NDUFAF1: variants seen among roughly 807,000 people sequenced by gnomAD.
NDUFAF1 encodes NADH:ubiquinone oxidoreductase complex assembly factor 1, also known as complex I intermediate-associated protein 30, mitochondrial.
NDUFAF1 carries 18 observed loss-of-function variants against 28.7 expected under a neutral mutation model. The observed-to-expected ratio is 0.63, with a 90% confidence interval of 0.43 to 0.93. The LOEUF is 0.93. Among genes scored for constraint, NDUFAF1 ranks in the 40% least tolerant of loss-of-function variants. NDUFAF1 has a pLI of 0.00. For missense variants in NDUFAF1, 404 were observed against 398.3 expected (o/e 1.01, Z -0.12); for synonymous variants, 113 against 139.7 (o/e 0.81, Z 1.35).
intron 3 of NDUFAF1, 35 bp from the exon 4 acceptor site, chr15:41,388,557 TG>T (rs1566820563): frequency 7.3e-7 from 1 of 1,374,598 alleles, no homozygotes; most frequent in Non-Finnish European, 1.0e-6. Context: ...ATAACTGAAA[TG>T]TAAGCAATTG....
chr15:41,397,095 G>A lies in NDUFAF1; in HGVS notation c.-36C>T, dbSNP rs759759746. 3.8e-6 allele frequency: 6 copies of A among 1,583,500 alleles called. No homozygotes were observed. In the South Asian group the frequency reaches 5.6e-5, roughly 15 times the overall value. On this transcript the variant is annotated 5_prime_UTR_variant, in exon 2 of 5. Coordinates refer to ENST00000260361, the MANE Select transcript of NDUFAF1 (RefSeq NM_016013.4). ...AATCAAAATGTAAGTTTCTTCCTGG[G>A]CTAGCAAGGGCCACCAAGAAGCTTC...
intron 1 of NDUFAF1, among the ~76,000 whole-genome samples, chr15:41,400,935 G>A (rs2050454271): frequency 6.6e-6 from 1 of 151,142 alleles, no homozygotes; most frequent in Admixed American, 6.6e-5. Flanking sequence ...CTTTCTGTAG[G>A]ATACAGACAC....
At chr15:41,395,555 A>G (rs1405690098) in intron 2 of NDUFAF1, among the ~76,000 whole-genome samples, 5 of 150,396 alleles carry the variant, frequency 3.3e-5, no homozygotes, top group South Asian at 2.1e-4. Context: ...TATTTTTAGT[A>G]GAGACGGGGT....
chr15:41,389,311 T>TA (rs965174655), intron 3 of NDUFAF1, among the ~76,000 whole-genome samples: 1 of 150,284 alleles, frequency 6.7e-6, no homozygotes, highest in Non-Finnish European at 1.5e-5. Flanking sequence ...AGGCTGGTCT[T>TA]AAACTCCTGA....
intron 1 of NDUFAF1, among the ~76,000 whole-genome samples, chr15:41,399,855 C>CA (rs35139337): frequency 0.015 from 650 of 41,960 alleles, 21 homozygotes; most frequent in African/African-American, 0.021. Flanking sequence ...GACTCCTTCT[C>CA]AAAAAAAAAA....
chr15:41,389,816 T>C (rs192837019), intron 3 of NDUFAF1, among the ~76,000 whole-genome samples: 1 of 152,258 alleles, frequency 6.6e-6, no homozygotes, highest in Admixed American at 6.5e-5. Context: ...ATTATACATA[T>C]TAATAGTTAT....
chr15:41,391,607 T>TAAAA (rs534238039), intron 3 of NDUFAF1, among the ~76,000 whole-genome samples: 1 of 127,836 alleles, frequency 7.8e-6, no homozygotes, highest in African/African-American at 3.0e-5. Context: ...GACTCCATCT[T>TAAAA]AAAAAAAAAA....
intron 3 of NDUFAF1, among the ~76,000 whole-genome samples, chr15:41,388,856 C>T (rs1823169719): frequency 6.6e-6 from 1 of 150,674 alleles, no homozygotes; most frequent in Non-Finnish European, 1.5e-5. Flanking sequence ...CACTGCACTT[C>T]AGCCTGGGCG....
chr15:41,399,519 C>T (rs547057664), intron 1 of NDUFAF1, among the ~76,000 whole-genome samples: 2 of 147,830 alleles, frequency 1.4e-5, no homozygotes, highest in Non-Finnish European at 3.0e-5. Context: ...ACTGCACCAT[C>T]GCACTCCAGC....
chr15:41,397,343 G>A (rs1419657242), intron 1 of NDUFAF1, among the ~76,000 whole-genome samples: 1 of 152,028 alleles, frequency 6.6e-6, no homozygotes, highest in Non-Finnish European at 1.5e-5. Context: ...TCTACTTTCT[G>A]GGCTCAAATG....
Position 41,402,342 on chromosome 15 carries a change from T to C in NDUFAF1, c.-280A>G, listed in dbSNP as rs868831722. On this transcript the variant is annotated 5_prime_UTR_variant, in exon 1 of 5. Coordinates refer to ENST00000260361, the MANE Select transcript of NDUFAF1 (RefSeq NM_016013.4). ...CACTCACGGCCTGGCCTCCGGAGGC[T>C]AGACGGTTCGCCGCGCTGGGGAGGC... 1 of 454,020 alleles carries C rather than the reference T, an allele frequency of 2.2e-6. No individual in the cohort carries two copies. The highest frequency in any genetic ancestry group is 2.3e-5 in the Admixed American group (1 of 42,570). 28.1% of individuals were successfully genotyped at this position (454,020 alleles called of 1,614,324 possible).
At chr15:41,396,463 C>T (rs1465459845) in intron 2 of NDUFAF1, 24 bp downstream of exon 2, 2 of 1,609,288 alleles carry the variant, frequency 1.2e-6, no homozygotes, top group Admixed American at 3.3e-5. Flanking sequence ...TACTAGAAAA[C>T]GATGGCTCCT....
rs558276744 is a variant in NDUFAF1, at chr15:41,397,154, G to C, written c.-81-14C>G. ...GCCCAATTCTACCTATAACAGAAGA[G>C]ACATTGAAGAATTATCAGCATAGCA... On this transcript the variant is annotated splice_polypyrimidine_tract_variant and intron_variant, in intron 1 of 4. Coordinates refer to ENST00000260361, the MANE Select transcript of NDUFAF1 (RefSeq NM_016013.4). 1 of 963,080 alleles carries C rather than the reference G, an allele frequency of 1.0e-6. No individual in the cohort carries two copies. Among genetic ancestry groups the C allele is most frequent in the East Asian group, 2.5e-5 (1 of 40,026 alleles). The allele number at this position is 963,080 out of a possible 1,614,324, so 59.7% of individuals were successfully genotyped here.
chr15:41,394,670 G>C (rs1240116352), intron 3 of NDUFAF1, among the ~76,000 whole-genome samples, 189 bp downstream of exon 3: 1 of 105,276 alleles, frequency 9.5e-6, no homozygotes, highest in Non-Finnish European at 1.7e-5. Flanking sequence ...ATCTCACTCT[G>C]TTGCCCAGGC....
chr15:41,390,962 G>C (rs1004559354), intron 3 of NDUFAF1, among the ~76,000 whole-genome samples: 2 of 152,038 alleles, frequency 1.3e-5, no homozygotes, highest in African/African-American at 4.8e-5. Context: ...CTGGAAGGCA[G>C]AGCTTGCAGT....
rs760649120 is a variant in NDUFAF1, at chr15:41,402,355, G to A, written c.-293C>T. ...GCCTCCGGAGGCTAGACGGTTCGCCGCGCTGGGGAGGCCCCCTCAACCCTC... is the reference window on the plus strand; with the variant it reads ...GCCTCCGGAGGCTAGACGGTTCGCCACGCTGGGGAGGCCCCCTCAACCCTC... On this transcript the variant is annotated 5_prime_UTR_variant, in exon 1 of 5. Transcript: ENST00000260361. 4.0e-4 allele frequency: 182 copies of A among 453,704 alleles called. No individual in the cohort carries two copies. Among genetic ancestry groups the A allele is most frequent in the Middle Eastern group, 1.4e-3 (2 of 1,438 alleles). 28.1% of individuals were successfully genotyped at this position (453,704 alleles called of 1,614,324 possible).
intron 2 of NDUFAF1, 55 bp downstream of exon 2, chr15:41,396,432 A>T: frequency 1.3e-6 from 2 of 1,520,490 alleles, no homozygotes; most frequent in Non-Finnish European, 1.8e-6. Flanking sequence ...AGTTTATGCT[A>T]CAATGAAGTT....
chr15:41,387,784 A>G (rs2050269978), intron 4 of NDUFAF1, among the ~76,000 whole-genome samples, 191 bp from the exon 5 acceptor site: 1 of 152,098 alleles, frequency 6.6e-6, no homozygotes, highest in African/African-American at 2.4e-5. Flanking sequence ...TCCTCATTCA[A>G]CTTCCTCCCC....
intron 1 of NDUFAF1, among the ~76,000 whole-genome samples, chr15:41,398,076 G>C (rs1324156764): frequency 6.7e-6 from 1 of 149,326 alleles, no homozygotes; most frequent in Admixed American, 6.7e-5. Flanking sequence ...AGATCTCCCT[G>C]TGTTGCCCAT....
Sources: allele counts gnomAD v4.1 joint callset (sites outside exome capture counted in the v4.1 genomes callset), GRCh38; gene constraint gnomAD v4.1.1; transcripts MANE v1.5; gene names NCBI Gene and HGNC (gene_info 2026-07-23, HGNC 2026-07-21).